Variants in SYTL2 observed in about 807,000 individuals in gnomAD.
The protein encoded by SYTL2 is synaptotagmin like 2, also known as synaptotagmin-like protein 2.
SYTL2 carries 165 observed loss-of-function variants against 198.7 expected under a neutral mutation model. The ratio of observed to expected loss-of-function variants is 0.83; its 90% confidence interval spans 0.73 to 0.94. The LOEUF (loss-of-function observed/expected upper bound fraction) is 0.94, where lower values mean the gene tolerates loss of function less well. Among genes scored for constraint, SYTL2 ranks in the 40% least tolerant of loss-of-function variants. The pLI, the probability that SYTL2 is intolerant of heterozygous loss-of-function variation, is 0.00. For synonymous variants in SYTL2, 966 were observed against 917.7 expected, an observed-to-expected ratio of 1.05 and a Z score of -0.95; for missense variants, 2,835 against 2,582.8, an observed-to-expected ratio of 1.10 and a Z score of -2.12.
intron 1 of SYTL2, among the ~76,000 whole-genome samples, chr11:85,802,220 C>CTTTTTTTTT (rs5793172): frequency 1.6e-5 from 2 of 122,590 alleles, no homozygotes; most frequent in African/African-American, 3.1e-5. Flanking sequence ...TTTTTCTTTT[C>CTTTTTTTTT]TTTTTTTTTT....
chr11:85,787,168 T>A (rs2092648707), intron 1 of SYTL2, among the ~76,000 whole-genome samples: 1 of 152,200 alleles, frequency 6.6e-6, no homozygotes, highest in African/African-American at 2.4e-5. Context: ...GCCCTAATTA[T>A]TTCTTGTGTG....
the SYTL2 span, among the ~76,000 whole-genome samples, chr11:85,844,813 C>CTTGCCAGAGTGAACT: frequency 1.3e-5 from 2 of 152,182 alleles, no homozygotes; most frequent in East Asian, 3.8e-4. Context: ...CTCCTCTACA[C>CTTGCCAGAGTGAACT]TTGCCAGAGT....
chr11:85,809,194 A>T (rs1283335809), intron 1 of SYTL2, among the ~76,000 whole-genome samples: 1 of 152,230 alleles, frequency 6.6e-6, no homozygotes, highest in Non-Finnish European at 1.5e-5. Context: ...CTTAGGGGAC[A>T]GTGGAATCAT....
At chr11:85,845,163 TC>T in the SYTL2 span, among the ~76,000 whole-genome samples, 10 of 152,208 alleles carry the variant, frequency 6.6e-5, no homozygotes, top group African/African-American at 2.2e-4. Context: ...GATTAGGTTT[TC>T]CACAGCACCT....
chr11:85,774,883 G>A (rs1055868935), intron 1 of SYTL2, among the ~76,000 whole-genome samples: 16 of 152,152 alleles, frequency 1.1e-4, no homozygotes, highest in Non-Finnish European at 2.1e-4. Flanking sequence ...CTGGGTTCTG[G>A]TCTTCGCTCT....
chr11:85,740,370 C>T lies in SYTL2; in HGVS notation c.390-2714G>A, dbSNP rs1457304914. 2.6e-5 allele frequency among the ~76,000 whole-genome samples: 4 copies of T among 152,278 alleles called. No individual in the cohort carries two copies. The East Asian group carries it at 7.7e-4, about 29-fold the overall frequency. ...CGTCCCTATCCTCTTCATGCCCAGT[C>T]CAAATCTCACCTCTTATATCAACCT... On this transcript the variant is annotated intron_variant, in intron 4 of 19. Transcript: ENST00000359152.
In SYTL2 at chr11:85,705,228, T is replaced by C. The variant is rs112192535; in HGVS notation, c.6019-200A>G. 320 of 456,618 alleles carry C rather than the reference T, an allele frequency of 7.0e-4. 3 individuals carry two copies. The highest frequency in any genetic ancestry group is 4.1e-3 in the Middle Eastern group (7 of 1,692). The allele number at this position is 456,618 out of a possible 1,614,324, so 28.3% of individuals were successfully genotyped here. A position where few individuals can be genotyped will look rare whatever the true frequency, so the allele number is the denominator to read the frequency against. ...AAATCCATCTTTCATAAAAGCTGATTTGCTTCCCCACTCTGGAAAAGCAAA... is the reference window on the plus strand; with the variant it reads ...AAATCCATCTTTCATAAAAGCTGATCTGCTTCCCCACTCTGGAAAAGCAAA... On this transcript the variant is annotated intron_variant, in intron 15 of 19. Coordinates refer to ENST00000359152, the MANE Select transcript of SYTL2 (RefSeq NM_206927.4).
At chr11:85,797,272 T>C (rs1303495838) in intron 1 of SYTL2, among the ~76,000 whole-genome samples, 2 of 152,202 alleles carry the variant, frequency 1.3e-5, no homozygotes, top group African/African-American at 4.8e-5. Flanking sequence ...CATTAAATGA[T>C]ATTGTATGTG....
At chr11:85,715,474 C>T (rs1165984013) in intron 11 of SYTL2, among the ~76,000 whole-genome samples, 1 of 151,962 alleles carries the variant, frequency 6.6e-6, no homozygotes, top group Non-Finnish European at 1.5e-5. Flanking sequence ...TTGACTTTAT[C>T]ATTATAAGAG....
intron 16 of SYTL2, among the ~76,000 whole-genome samples, chr11:85,702,971 T>G (rs921522650): frequency 6.6e-6 from 1 of 152,202 alleles, no homozygotes; most frequent in East Asian, 1.9e-4. Context: ...AAAGAAAATA[T>G]GCTTTCGAAA....
rs747291695 is a variant in SYTL2 at position 85,725,967 on chromosome 11, T to C, written c.3391A>G (p.Thr1131Ala). 10 of 1,614,204 alleles carry C rather than the reference T, an allele frequency of 6.2e-6. No homozygotes were observed. In the South Asian group the frequency reaches 9.9e-5, roughly 16 times the overall value. The change falls in exon 8 of 20, where the codon ACT (threonine) becomes GCT (alanine). Residue 1131 changes from threonine (T) to alanine (A), a missense_variant. By Grantham distance (58) the Thr-to-Ala change is moderately conservative. Transcript: ENST00000359152. ...AGTTTCTGCAAGCTGTCATTAAAAGTGTCTTTGCAGTCTTTAGACAAAACA... is the reference window on the plus strand; with the variant it reads ...AGTTTCTGCAAGCTGTCATTAAAAGCGTCTTTGCAGTCTTTAGACAAAACA... The part of the protein sequence containing the change: ...TNVLSKDCKD[T>A]FNDSLQKLLS...
At chr11:85,777,683 A>C (rs1279118119) in intron 1 of SYTL2, among the ~76,000 whole-genome samples, 1 of 151,476 alleles carries the variant, frequency 6.6e-6, no homozygotes, top group Admixed American at 6.6e-5. Context: ...AAAAACTACC[A>C]AAAAACAGGA....
the SYTL2 span, chr11:85,853,684 G>C: frequency 2.1e-5 from 3 of 142,118 alleles, no homozygotes; most frequent in Non-Finnish European, 3.0e-5. Context: ...AAGAAGAAAA[G>C]AAAAGGGCCC....
At chr11:85,736,179 G>C (rs774960567) in intron 6 of SYTL2, among the ~76,000 whole-genome samples, 2 of 152,122 alleles carry the variant, frequency 1.3e-5, no homozygotes, top group African/African-American at 2.4e-5. Flanking sequence ...ACACACAGTA[G>C]GCATCTAATA....
At chr11:85,848,496 A>ATT in the SYTL2 span, among the ~76,000 whole-genome samples, 2 of 148,392 alleles carry the variant, frequency 1.3e-5, no homozygotes, top group East Asian at 2.0e-4. Flanking sequence ...GTGAAGCTTC[A>ATT]TTTTTTTTTT....
At chr11:85,714,751 T>C in intron 11 of SYTL2, 1 of 1,047,568 alleles carries the variant, frequency 9.5e-7, no homozygotes, top group Non-Finnish European at 1.2e-6. Context: ...TTAAAAACAT[T>C]AGTTTTTATT....
At chr11:85,762,301 C>T (rs998374615) in intron 1 of SYTL2, among the ~76,000 whole-genome samples, 1 of 152,192 alleles carries the variant, frequency 6.6e-6, no homozygotes, top group African/African-American at 2.4e-5. Flanking sequence ...TCACAATAAC[C>T]TCAGTAAAGA....
At chr11:85,734,777 TAG>T in intron 6 of SYTL2, 35 bp from the exon 7 acceptor site, 1 of 1,421,636 alleles carries the variant, frequency 7.0e-7, no homozygotes, top group Non-Finnish European at 9.7e-7. Flanking sequence ...ATATATCATA[TAG>T]AGAGTAATAT....
chr11:85,728,004 G>T, intron 7 of SYTL2, 37 bp from the exon 8 acceptor site: 1 of 1,505,468 alleles, frequency 6.6e-7, no homozygotes, highest in Non-Finnish European at 8.9e-7. Context: ...TAAGAAAAGA[G>T]CATGCTTAAA....
Sources: allele counts gnomAD v4.1 joint callset (sites outside exome capture counted in the v4.1 genomes callset), GRCh38; gene constraint gnomAD v4.1.1; transcripts MANE v1.5; gene names NCBI Gene and HGNC (gene_info 2026-07-23, HGNC 2026-07-21).